Variants in FARP2 observed in about 807,000 individuals in gnomAD.
FARP2 encodes FERM, ARHGEF and pleckstrin domain-containing protein 2.
FARP2 carries 111 observed loss-of-function variants against 130.5 expected under a neutral mutation model. The observed-to-expected ratio is 0.85, with a 90% CI of 0.73 to 1.00. The LOEUF (loss-of-function observed/expected upper bound fraction) is 1.00. FARP2 is among the 50% of genes least tolerant of loss of function. The pLI, the probability that FARP2 is intolerant of heterozygous loss-of-function variation, is 0.00. For synonymous variants in FARP2, 504 were observed against 516.9 expected (o/e 0.98, Z 0.34); for missense variants, 1,385 against 1,346.3 (o/e 1.03, Z -0.45).
rs534372765 is a variant in FARP2 at position 241,464,505 on chromosome 2, G to A, written c.1893+525G>A. 2.0e-5 allele frequency among the ~76,000 whole-genome samples: 3 copies of A among 150,692 alleles called. No homozygotes were observed. The South Asian group carries it at 6.3e-4, about 32-fold the overall frequency. The stretch of plus-strand genomic sequence containing the variant: ...CAGAACAGAGTCCATCTCAGAACAG[G>A]TTCCTACTCAAAGCAGGGTTTCCCC... On this transcript the variant is annotated intron_variant, in intron 17 of 26. Transcript: ENST00000264042.
At chr2:241,402,890 T>A (rs1459030732) in intron 2 of FARP2, among the ~76,000 whole-genome samples, 20 of 64,718 alleles carry the variant, frequency 3.1e-4, no homozygotes, top group South Asian at 7.2e-4. Context: ...ATTTTTTTTT[T>A]TTTTTTTTTT....
Position 241,493,038 on chromosome 2 carries a change from T to A in FARP2, c.2895+2T>A. 1 of 1,523,400 alleles carries A rather than the reference T, an allele frequency of 6.6e-7. No individual in the cohort carries two copies. Among genetic ancestry groups the A allele is most frequent in the Non-Finnish European group, 9.1e-7 (1 of 1,096,950 alleles). The allele number at this position is 1,523,400 out of a possible 1,614,324, so 94.4% of individuals were successfully genotyped here. ...TTGTTCTTCTACAAAACTCATCAGGTACTGGAGTTTCACTGGAGCCCAATG... is the reference window on the plus strand; with the variant it reads ...TTGTTCTTCTACAAAACTCATCAGGAACTGGAGTTTCACTGGAGCCCAATG... On this transcript the variant is annotated splice_donor_variant, in intron 25 of 26. Coordinates refer to ENST00000264042, the MANE Select transcript of FARP2 (RefSeq NM_014808.4). LOFTEE classifies it high-confidence loss of function.
intron 7 of FARP2, 149 bp from the exon 8 acceptor site, chr2:241,417,813 T>G (rs1372066033): frequency 8.8e-6 from 7 of 799,814 alleles, no homozygotes; most frequent in Non-Finnish European, 1.4e-5. Flanking sequence ...ATGCTGTTTT[T>G]GTAGTGGGTA....
intron 10 of FARP2, 37 bp downstream of exon 10, chr2:241,434,358 T>C: frequency 6.7e-7 from 1 of 1,495,292 alleles, no homozygotes; most frequent in Non-Finnish European, 9.0e-7. Context: ...GGCCCCTCAC[T>C]GGTTTGTAAA....
At chr2:241,363,610 C>T (rs927238683) in intron 1 of FARP2, among the ~76,000 whole-genome samples, 3 of 152,218 alleles carry the variant, frequency 2.0e-5, no homozygotes, top group Non-Finnish European at 4.4e-5. Context: ...AGACGGAACT[C>T]GGCTATGGGA....
chr2:241,437,517 G>C (rs1015748098), intron 12 of FARP2, among the ~76,000 whole-genome samples: 19 of 152,044 alleles, frequency 1.2e-4, no homozygotes, highest in African/African-American at 4.1e-4. Context: ...CCAGGCTGGA[G>C]TGCAGTGGCA....
intron 7 of FARP2, among the ~76,000 whole-genome samples, chr2:241,415,291 C>G (rs368046368): frequency 2.0e-5 from 3 of 152,162 alleles, no homozygotes; most frequent in Non-Finnish European, 4.4e-5. Flanking sequence ...GAGGAAGGTA[C>G]AGCTGTTCTG....
chr2:241,486,939 C>A (rs570153079), intron 21 of FARP2, among the ~76,000 whole-genome samples: 2 of 152,276 alleles, frequency 1.3e-5, no homozygotes, highest in South Asian at 4.1e-4. Flanking sequence ...AGGTAAGCAG[C>A]CCCATCGAGC....
intron 13 of FARP2, chr2:241,441,841 T>G (rs1179218180): frequency 3.8e-6 from 2 of 525,152 alleles, no homozygotes; most frequent in African/African-American, 3.8e-5. Flanking sequence ...CATCTCCTTC[T>G]TTGCTGGAGG....
intron 7 of FARP2, among the ~76,000 whole-genome samples, chr2:241,417,512 AG>A (rs2062705447): frequency 6.6e-6 from 1 of 152,096 alleles, no homozygotes; most frequent in South Asian, 2.1e-4. Flanking sequence ...TAGCAGAGAC[AG>A]GGTTTCGCCA....
intron 8 of FARP2, among the ~76,000 whole-genome samples, chr2:241,418,917 C>T (rs753353668): frequency 2.0e-5 from 3 of 152,128 alleles, no homozygotes; most frequent in Non-Finnish European, 4.4e-5. Context: ...CAGTCACTGG[C>T]CCTTGTAAAA....
intron 5 of FARP2, chr2:241,410,815 G>C (rs905135416): frequency 2.0e-6 from 1 of 507,868 alleles, no homozygotes; most frequent in Non-Finnish European, 3.6e-6. Flanking sequence ...GACTCAGTCT[G>C]CTGAGTTGGT....
In FARP2 at chr2:241,413,420, G is replaced by C; in HGVS notation, c.622G>C (p.Val208Leu). Residue 208 changes from valine to leucine, a missense_variant and splice_region_variant, in exon 7 of 27, where the codon GTG becomes CTG. Transcript: ENST00000264042. ...GATACTAGAATTCCATCAGAAGCAC[G>C]TGTAAGTCATCACAATTGTCTGTCA... ...EKILEFHQKHVGQTPAESDFQ... is the reference protein window; with the variant it reads ...EKILEFHQKHLGQTPAESDFQ... The C allele has an allele frequency of 6.3e-7, 1 of 1,591,840 alleles. No individual in the cohort carries two copies. Among genetic ancestry groups the C allele is most frequent in the Non-Finnish European group, 8.6e-7 (1 of 1,162,758 alleles).
At chr2:241,446,247 C>T (rs2063511793) in intron 13 of FARP2, 1 of 151,986 alleles carries the variant, frequency 6.6e-6, no homozygotes. Context: ...AAGAGATTCT[C>T]TAAATATGGA....
Position 241,483,486 on chromosome 2 carries a change from C to T in FARP2, c.2284C>T (p.Leu762Phe), listed in dbSNP as rs1559810894. Residue 762 changes from leucine (L) to phenylalanine (F), a missense_variant, in exon 20 of 27, where the codon CTT (leucine) becomes TTT (phenylalanine). Transcript: ENST00000264042. ...TCAGGAGTTCATCCGTGAGGGCTGC[C>T]TTCACAAGCTCACCAAGAAGGGCCT... is the stretch of plus-strand genomic sequence containing the variant. The part of the protein sequence containing the change: ...PGREFIREGC[L>F]HKLTKKGLQQ... 1.9e-6 allele frequency: 3 copies of T among 1,614,244 alleles called. No homozygotes were observed. Among genetic ancestry groups the T allele is most frequent in the Non-Finnish European group, 2.5e-6 (3 of 1,180,030 alleles).
rs141878745 is a variant in FARP2, at chr2:241,403,882, G to T, written c.238G>T (p.Val80Leu). ...LTQVWKRLNL[V>L]ECDYFGMEFQ... ...ACAAGTGTGGAAGCGTTTAAACCTG[G>T]TAGAATGTGACTACTTCGGGATGGA... Residue 80 changes from valine to leucine, a missense_variant, in exon 3 of 27, where the codon GTA becomes TTA. By Grantham distance (32) the Val-to-Leu change is conservative. Coordinates refer to ENST00000264042, the MANE Select transcript of FARP2 (RefSeq NM_014808.4). 1.2e-6 allele frequency: 2 copies of T among 1,613,912 alleles called. No homozygotes were observed. The highest frequency in any genetic ancestry group is 3.3e-5 in the Admixed American group (2 of 60,014).
chr2:241,388,528 A>G (rs900742796), intron 2 of FARP2, among the ~76,000 whole-genome samples: 1 of 152,238 alleles, frequency 6.6e-6, no homozygotes, highest in Admixed American at 6.5e-5. Flanking sequence ...TGATAAAAGA[A>G]CAAATAAAGA....
rs190862319 is a variant in FARP2 at position 241,383,938 on chromosome 2, G to A, written c.183+10648G>A. 8.5e-5 allele frequency among the ~76,000 whole-genome samples: 13 copies of A among 152,198 alleles called. No individual in the cohort carries two copies. The East Asian group carries it at 2.5e-3, about 30-fold the overall frequency. On this transcript the variant is annotated intron_variant, in intron 2 of 26. Coordinates refer to ENST00000264042, the MANE Select transcript of FARP2 (RefSeq NM_014808.4). The stretch of plus-strand genomic sequence containing the variant: ...AGAAGCGTTGTTGCTATGTCCTGAA[G>A]GAATGTGAGCTCTTTTCAGTGCACC...
intron 18 of FARP2, among the ~76,000 whole-genome samples, chr2:241,469,947 C>T (rs2064265023): frequency 6.6e-6 from 1 of 152,230 alleles, no homozygotes; most frequent in African/African-American, 2.4e-5. Context: ...CACTGATAAC[C>T]ATCAGCCTCC....
Sources: gnomAD v4.1 joint callset for allele counts (sites outside exome capture counted in the v4.1 genomes callset) on GRCh38, gnomAD v4.1.1 for gene constraint, MANE v1.5 for transcripts, NCBI Gene and HGNC (gene_info 2026-07-23, HGNC 2026-07-21) for gene names.